Variants in SLC66A2 observed in about 807,000 individuals in gnomAD.
SLC66A2 encodes the protein PQ loop repeat containing 1.
A neutral mutation model predicts 25.5 loss-of-function variants in SLC66A2; 23 were observed. That is an observed-to-expected ratio of 0.90 (90% CI 0.65 to 1.28). SLC66A2 has a LOEUF of 1.28. SLC66A2 is among the 50% of genes most tolerant of loss of function. The pLI, the probability that SLC66A2 is intolerant of heterozygous loss-of-function variation, is 0.00. For missense variants in SLC66A2, 396 were observed against 373.1 expected (o/e 1.06, Z -0.51); for synonymous variants, 193 against 166.5 (o/e 1.16, Z -1.23).
chr18:79,932,333 A>C (rs188888636), intron 4 of SLC66A2, among the ~76,000 whole-genome samples: 1 of 152,272 alleles, frequency 6.6e-6, no homozygotes, highest in East Asian at 1.9e-4. Flanking sequence ...CCTTAAGAAA[A>C]AGAGTAAATT....
rs961000775 is a variant in SLC66A2, at chr18:79,904,960, C to T, written c.609-777G>A. Among the ~76,000 whole-genome samples the T allele has an allele frequency of 6.6e-6, 1 of 152,196 alleles. No individual in the cohort carries two copies. Among genetic ancestry groups the T allele is most frequent in the Non-Finnish European group, 1.5e-5 (1 of 68,034 alleles). On this transcript the variant is annotated intron_variant, in intron 5 of 5. Transcript: ENST00000397778. This position sits in a 1 kb window ranked among gnomAD's most constrained non-coding sequence, Gnocchi z 6.3. ...ACAGAAAGGACAGGACACAGCCCTC[C>T]CCCACCCTGGGGCGTCCGTCCCGCT...
At position 79,937,148 on chromosome 18, in the gene SLC66A2, A is replaced by G. The variant is rs1186044094; in HGVS notation, c.338-3126T>C. On this transcript the variant is annotated intron_variant, in intron 3 of 5. Coordinates refer to ENST00000397778, the MANE Select transcript of SLC66A2 (RefSeq NM_025078.5). The surrounding 1 kb of genome is among the most constrained non-coding windows in gnomAD (Gnocchi z 5.4). ...TGAAAAAGCCAAAAAATCAACCTGT[A>G]GGCCAACCCTCACACATGCCTAGGC... Among the ~76,000 whole-genome samples the G allele has an allele frequency of 6.6e-6, 1 of 152,230 alleles. No homozygotes were observed. Among genetic ancestry groups the G allele is most frequent in the Admixed American group, 6.5e-5 (1 of 15,290 alleles).
chr18:79,912,828 C>T (rs1318331672), intron 5 of SLC66A2, among the ~76,000 whole-genome samples: 1 of 152,150 alleles, frequency 6.6e-6, no homozygotes, highest in Non-Finnish European at 1.5e-5. Flanking sequence ...CTGCGTGCAC[C>T]GAGCTTGCTT....
At chr18:79,934,085 A>G (rs1986840121) in intron 3 of SLC66A2, 63 bp from the exon 4 acceptor site, 8 of 1,269,646 alleles carry the variant, frequency 6.3e-6, no homozygotes, top group African/African-American at 1.5e-5. Context: ...ACTGGTTTTA[A>G]CATGGGTAAA....
At position 79,942,676 on chromosome 18, in the gene SLC66A2, G is replaced by A. The variant is rs115938585; in HGVS notation, c.337+653C>T. Among the ~76,000 whole-genome samples, 984 of 152,294 alleles carry A rather than the reference G, an allele frequency of 6.5e-3. 14 individuals carry two copies. Among genetic ancestry groups the A allele is most frequent in the African/African-American group, 0.022 (932 of 41,558 alleles). On this transcript the variant is annotated intron_variant, in intron 3 of 5. Coordinates refer to ENST00000397778, the MANE Select transcript of SLC66A2 (RefSeq NM_025078.5). ...TAACCCTCCTGCACACAAGAAGCCC[G>A]CCAGCCTGCATGTTCAAACAGAGTT... is the stretch of plus-strand genomic sequence containing the variant.
rs1270015070 is a variant in SLC66A2, at chr18:79,942,061, C to T, written c.337+1268G>A. ...GCTCAGGTCCAGAGAAGGAGCAAAGCCTTGCGGGGAGCAAGACCGAGTCAC... is the reference window on the plus strand; with the variant it reads ...GCTCAGGTCCAGAGAAGGAGCAAAGTCTTGCGGGGAGCAAGACCGAGTCAC... On this transcript the variant is annotated intron_variant, in intron 3 of 5. Coordinates refer to ENST00000397778, the MANE Select transcript of SLC66A2 (RefSeq NM_025078.5). Among the ~76,000 whole-genome samples, 4 of 152,236 alleles carry T rather than the reference C, an allele frequency of 2.6e-5. No homozygotes were observed. The East Asian group carries it at 5.8e-4, about 22-fold the overall frequency.
intron 5 of SLC66A2, among the ~76,000 whole-genome samples, chr18:79,908,055 T>C (rs1982388299): frequency 6.6e-6 from 1 of 152,168 alleles, no homozygotes; most frequent in Admixed American, 6.5e-5. Context: ...CTACATTCAC[T>C]AAAAACCCCA....
intron 1 of SLC66A2, 24 bp from the exon 2 acceptor site, chr18:79,951,049 G>C (rs1206128681): frequency 7.3e-6 from 5 of 681,204 alleles, no homozygotes; most frequent in Non-Finnish European, 1.1e-5. Context: ...GGAGCTGCTC[G>C]AGTTCCGCCC....
At chr18:79,931,859 CA>C (rs889575974) in intron 4 of SLC66A2, among the ~76,000 whole-genome samples, 5 of 151,538 alleles carry the variant, frequency 3.3e-5, no homozygotes, top group South Asian at 2.1e-4. Flanking sequence ...ACAAAAAATA[CA>C]AAAAAAATTG....
intron 5 of SLC66A2, among the ~76,000 whole-genome samples, chr18:79,908,917 G>A (rs976971430): frequency 4.6e-5 from 7 of 152,168 alleles, no homozygotes; most frequent in South Asian, 2.1e-4. Context: ...GCTCTTACCT[G>A]TTAGAGCACA....
intron 2 of SLC66A2, 180 bp from the exon 3 acceptor site, chr18:79,943,642 C>A (rs2071717789): frequency 3.1e-6 from 2 of 645,638 alleles, no homozygotes; most frequent in Non-Finnish European, 5.1e-6. Context: ...CTCCCAGTCC[C>A]GAACCTGCAG....
chr18:79,903,842 C>G lies in SLC66A2; in HGVS notation c.*134G>C. On this transcript the variant is annotated 3_prime_UTR_variant, in exon 6 of 6. Coordinates refer to ENST00000397778, the MANE Select transcript of SLC66A2 (RefSeq NM_025078.5). ...CCCACCCTGAGACACCCCACAGAGG[C>G]TGATGGAGACCCCAATGCCCATGCC... 2 of 729,250 alleles carry G rather than the reference C, an allele frequency of 2.7e-6. No homozygotes were observed. The highest frequency in any genetic ancestry group is 4.4e-6 in the Non-Finnish European group (2 of 453,848). 45.2% of individuals were successfully genotyped at this position (729,250 alleles called of 1,614,324 possible). A position where few individuals can be genotyped will look rare whatever the true frequency, so the allele number is the denominator to read the frequency against.
intron 3 of SLC66A2, among the ~76,000 whole-genome samples, chr18:79,939,581 A>C (rs767453238): frequency 2.6e-5 from 4 of 152,232 alleles, no homozygotes; most frequent in Non-Finnish European, 4.4e-5. Flanking sequence ...AAGGACATGA[A>C]CACTTTTCAA....
At chr18:79,924,443 A>G (rs1219153587) in intron 4 of SLC66A2, among the ~76,000 whole-genome samples, 3 of 152,138 alleles carry the variant, frequency 2.0e-5, no homozygotes, top group Non-Finnish European at 4.4e-5. Context: ...TGGGGAAAAG[A>G]AGGAAACTGG....
intron 2 of SLC66A2, among the ~76,000 whole-genome samples, chr18:79,947,746 A>G (rs944799859): frequency 1.3e-5 from 2 of 151,348 alleles, no homozygotes; most frequent in Non-Finnish European, 2.9e-5. Context: ...CACTTCTGCT[A>G]AAGCACAAAT....
chr18:79,930,870 T>C (rs184830677), intron 4 of SLC66A2, among the ~76,000 whole-genome samples: 1 of 152,282 alleles, frequency 6.6e-6, no homozygotes, highest in Admixed American at 6.5e-5. Flanking sequence ...AAAGGAACAA[T>C]CAGAAAAATA....
In SLC66A2 at chr18:79,950,859, G is replaced by A. The variant is rs757717280; in HGVS notation, c.68C>T (p.Ala23Val). ...LHQLVSWGAA[A>V]AMVFGGVVPY... Reference sequence around the variant, plus strand: ...CACCACCCCTCCGAAGACCATGGCCGCGGCCGCGCCCCAGGACACCAGCTG... The same window carrying A: ...CACCACCCCTCCGAAGACCATGGCCACGGCCGCGCCCCAGGACACCAGCTG... Residue 23 changes from alanine (A) to valine (V), a missense_variant, in exon 2 of 6, where the codon GCG (alanine) becomes GTG (valine). By Grantham distance (64) the Ala-to-Val change is moderately conservative. Coordinates refer to ENST00000397778, the MANE Select transcript of SLC66A2 (RefSeq NM_025078.5). 8 of 1,609,226 alleles carry A rather than the reference G, an allele frequency of 5.0e-6. No individual in the cohort carries two copies. In the East Asian group the frequency reaches 1.3e-4, roughly 27 times the overall value.
chr18:79,904,019 G>A lies in SLC66A2; in HGVS notation c.773C>T (p.Pro258Leu), dbSNP rs145814903. The A allele has an allele frequency of 2.4e-5, 38 of 1,606,750 alleles. No individual in the cohort carries two copies. Among genetic ancestry groups the A allele is most frequent in the Middle Eastern group, 3.6e-4 (2 of 5,504 alleles). ...AYAFARHPQK[P>L]APHAVHPTGT... ...AGTGGGGTGCACGGCGTGGGGCGCC[G>A]GCTTCTGGGGGTGGCGGGCGAAGGC... Residue 258 changes from proline (P) to leucine (L), a missense_variant, in exon 6 of 6, where the codon CCG (proline) becomes CTG (leucine). By Grantham distance (98) the Pro-to-Leu change is moderately conservative. Transcript: ENST00000397778. This position sits in a 1 kb window ranked among gnomAD's most constrained non-coding sequence, Gnocchi z 6.3.
At chr18:79,943,804 G>A (rs984027317) in intron 2 of SLC66A2, 3 of 249,990 alleles carry the variant, frequency 1.2e-5, no homozygotes, top group Non-Finnish European at 1.6e-5. Context: ...TGTGTCGGGA[G>A]GGAGGCCCGC....
Sources: allele counts gnomAD v4.1 joint callset (sites outside exome capture counted in the v4.1 genomes callset), GRCh38; gene constraint gnomAD v4.1.1; non-coding constraint Gnocchi (gnomAD v3.1); transcripts MANE v1.5; gene names NCBI Gene and HGNC (gene_info 2026-07-23, HGNC 2026-07-21).